Variants in SLC10A7 observed in about 807,000 individuals in gnomAD.
SLC10A7 encodes sodium/bile acid cotransporter 7.
Under a neutral mutation model 43.2 loss-of-function variants are expected in SLC10A7, and 29 were observed. The observed-to-expected ratio is 0.67, with a 90% CI of 0.50 to 0.92. SLC10A7 has a LOEUF of 0.92. Among genes scored for constraint, SLC10A7 ranks in the 40% least tolerant of loss-of-function variants. The pLI is 0.00. For synonymous variants in SLC10A7, 152 were observed against 144.8 expected, an observed-to-expected ratio of 1.05 and a Z score of -0.35; for missense variants, 295 against 403.2, an observed-to-expected ratio of 0.73 and a Z score of 2.30.
rs958656977 is a variant in SLC10A7, at chr4:146,309,917, C to T, written c.472-3908G>A. Among the ~76,000 whole-genome samples the T allele has an allele frequency of 5.3e-5, 8 of 152,206 alleles. No individual in the cohort carries two copies. The East Asian group carries it at 1.4e-3, about 26-fold the overall frequency. ...GTTTGGGATATGGATTATCCCATCA[C>T]CAAGATAGTGAGCATAGTACCCAAC... On this transcript the variant is annotated intron_variant, in intron 6 of 11. Coordinates refer to ENST00000335472, the MANE Select transcript of SLC10A7 (RefSeq NM_001029998.6).
chr4:146,515,096 T>C, intron 2 of SLC10A7: 1 of 702,152 alleles, frequency 1.4e-6, no homozygotes, highest in Non-Finnish European at 2.6e-6. Flanking sequence ...TCTTCCTTCT[T>C]CAACTCCTGC....
intron 5 of SLC10A7, chr4:146,442,445 C>T (rs1443730024): frequency 1.9e-6 from 2 of 1,038,514 alleles, no homozygotes; most frequent in African/African-American, 1.7e-5. Flanking sequence ...TTTCAAAATC[C>T]TCAGTCCCAT....
chr4:146,335,251 T>TAAAAAAAAAAAAA (rs34522588), intron 5 of SLC10A7, among the ~76,000 whole-genome samples: 2 of 92,640 alleles, frequency 2.2e-5, no homozygotes, highest in African/African-American at 8.5e-5. Context: ...ACAGATGTTG[T>TAAAAAAAAAAAAA]AAAAAAAAAA....
intron 5 of SLC10A7, among the ~76,000 whole-genome samples, chr4:146,330,307 T>A (rs996375695): frequency 6.6e-6 from 1 of 152,166 alleles, no homozygotes; most frequent in Middle Eastern, 3.2e-3. Flanking sequence ...AAAACTAAAG[T>A]GAAATTATGA....
At chr4:146,442,135 C>G (rs1579195915) in intron 5 of SLC10A7, 1 of 970,096 alleles carries the variant, frequency 1.0e-6, no homozygotes, top group African/African-American at 1.8e-5. Flanking sequence ...TAACACAAAT[C>G]AAGCCTCTGT....
At chr4:146,419,968 T>C (rs912045523) in intron 5 of SLC10A7, among the ~76,000 whole-genome samples, 7 of 152,252 alleles carry the variant, frequency 4.6e-5, no homozygotes, top group African/African-American at 1.7e-4. Context: ...TTTAACATAA[T>C]GAATACTAAC....
chr4:146,382,708 TA>T (rs1737714040), intron 5 of SLC10A7, among the ~76,000 whole-genome samples: 1 of 152,136 alleles, frequency 6.6e-6, no homozygotes, highest in South Asian at 2.1e-4. Context: ...CTTCGAGAAA[TA>T]TATTTCAGAA....
rs528940307 is a variant in SLC10A7, at chr4:146,425,525, G to A, written c.435+17258C>T. ...TTTAAATAGCCACATGTGGCTTGTG[G>A]ACACCATATTGGTCAGCGCAACTAT... On this transcript the variant is annotated intron_variant, in intron 5 of 11. Coordinates refer to ENST00000335472, the MANE Select transcript of SLC10A7 (RefSeq NM_001029998.6). Among the ~76,000 whole-genome samples, 22 of 152,148 alleles carry A rather than the reference G, an allele frequency of 1.4e-4. No individual in the cohort carries two copies. In the South Asian group the frequency reaches 4.4e-3, roughly 30 times the overall value.
intron 6 of SLC10A7, among the ~76,000 whole-genome samples, chr4:146,325,414 A>G (rs1733032469): frequency 6.6e-6 from 1 of 152,196 alleles, no homozygotes; most frequent in East Asian, 1.9e-4. Flanking sequence ...GTTAACTAGA[A>G]GCGTGTATTG....
chr4:146,477,475 C>T (rs1734128028), intron 4 of SLC10A7, among the ~76,000 whole-genome samples: 1 of 152,166 alleles, frequency 6.6e-6, no homozygotes, highest in Non-Finnish European at 1.5e-5. Context: ...TGCATAAATT[C>T]AGCTGAAAGT....
chr4:146,487,395 C>A (rs915184439), intron 4 of SLC10A7, among the ~76,000 whole-genome samples: 2 of 152,178 alleles, frequency 1.3e-5, no homozygotes, highest in African/African-American at 4.8e-5. Context: ...CACCCTAGAG[C>A]TCCCCACTCC....
chr4:146,371,436 A>G (rs1031965100), intron 5 of SLC10A7, among the ~76,000 whole-genome samples: 1 of 152,228 alleles, frequency 6.6e-6, no homozygotes, highest in African/African-American at 2.4e-5. Context: ...GAGGGGGCCA[A>G]ATAAATGGTA....
intron 7 of SLC10A7, among the ~76,000 whole-genome samples, chr4:146,302,310 C>T (rs537507101): frequency 1.2e-4 from 19 of 152,274 alleles, no homozygotes; most frequent in Non-Finnish European, 1.5e-4. Context: ...CAAAGCATAT[C>T]CCTTACAGAT....
intron 5 of SLC10A7, chr4:146,408,719 T>C (rs563007549): frequency 2.6e-5 from 4 of 152,168 alleles, no homozygotes; most frequent in African/African-American, 9.6e-5. Context: ...GGGAATATTT[T>C]AAGTCAATTT....
At chr4:146,399,711 T>G (rs905980579) in intron 5 of SLC10A7, among the ~76,000 whole-genome samples, 1 of 152,114 alleles carries the variant, frequency 6.6e-6, no homozygotes, top group Non-Finnish European at 1.5e-5. Flanking sequence ...CAAGGAACAT[T>G]TTTAAGACCA....
At chr4:146,348,618 G>C (rs1247338155) in intron 5 of SLC10A7, among the ~76,000 whole-genome samples, 1 of 152,144 alleles carries the variant, frequency 6.6e-6, no homozygotes, top group East Asian at 1.9e-4. Flanking sequence ...TTTTCAGAAA[G>C]CATACAGATT....
intron 1 of SLC10A7, among the ~76,000 whole-genome samples, chr4:146,519,066 CATATATATATATAT>C (rs869090267): frequency 3.0e-3 from 18 of 5,980 alleles, no homozygotes; most frequent in African/African-American, 5.3e-3. Context: ...GAAAAATCAC[CATATATATATATAT>C]ATATATATAT....
chr4:146,517,145 G>A, intron 1 of SLC10A7, 25 bp from the exon 2 acceptor site: 1 of 1,555,680 alleles, frequency 6.4e-7, no homozygotes, highest in Non-Finnish European at 8.8e-7. Context: ...AAGAGTTATT[G>A]CTAGAAAAGA....
At chr4:146,457,231 C>A (rs185313324) in intron 4 of SLC10A7, among the ~76,000 whole-genome samples, 14 of 151,694 alleles carry the variant, frequency 9.2e-5, no homozygotes, top group Admixed American at 9.2e-4. Flanking sequence ...AAACACTATT[C>A]TTTCCTTTTA....
Sources: allele counts gnomAD v4.1 joint callset (sites outside exome capture counted in the v4.1 genomes callset), GRCh38; gene constraint gnomAD v4.1.1; transcripts MANE v1.5; gene names NCBI Gene and HGNC (gene_info 2026-07-23, HGNC 2026-07-21).